DNAAF11: variants seen among roughly 807,000 people sequenced by gnomAD.
DNAAF11 encodes dynein axonemal assembly factor 11.
Under a neutral mutation model 60.8 loss-of-function variants are expected in DNAAF11, and 45 were observed. That is an observed-to-expected ratio of 0.74 (90% CI 0.58 to 0.95). The LOEUF is 0.95. Ranked by LOEUF, DNAAF11 falls within the 40% of genes least tolerant of loss-of-function variation. The probability of loss-of-function intolerance (pLI) is 0.00; values close to 1 mark genes in which losing one functional copy is unlikely to be tolerated. For synonymous variants in DNAAF11, 191 were observed against 183.5 expected (o/e 1.04, Z -0.33); for missense variants, 546 against 546.2 (o/e 1.00, Z 0.00).
chr8:132,632,420 T>G (rs1305383060), intron 5 of DNAAF11, among the ~76,000 whole-genome samples: 1 of 152,234 alleles, frequency 6.6e-6, no homozygotes, highest in African/African-American at 2.4e-5. Flanking sequence ...TTAACTTTTC[T>G]AAAATATTCC....
At chr8:132,584,761 C>T (rs1283467536) in intron 10 of DNAAF11, among the ~76,000 whole-genome samples, 2 of 152,122 alleles carry the variant, frequency 1.3e-5, no homozygotes, top group Non-Finnish European at 2.9e-5. Flanking sequence ...GGCTATCTGC[C>T]TTTCTCTGTT....
At chr8:132,648,641 T>A (rs1363662035) in intron 3 of DNAAF11, among the ~76,000 whole-genome samples, 1 of 152,218 alleles carries the variant, frequency 6.6e-6, no homozygotes, top group Admixed American at 6.5e-5. Flanking sequence ...CTCCTTAAGC[T>A]GGTAAGCAAC....
At chr8:132,592,706 C>G (rs555377799) in intron 10 of DNAAF11, among the ~76,000 whole-genome samples, 1 of 151,976 alleles carries the variant, frequency 6.6e-6, no homozygotes, top group Non-Finnish European at 1.5e-5. Context: ...ATTTATAATA[C>G]CATTGTAGTA....
intron 7 of DNAAF11, among the ~76,000 whole-genome samples, chr8:132,618,662 G>T (rs1819435363): frequency 6.8e-6 from 1 of 147,520 alleles, no homozygotes; most frequent in African/African-American, 2.5e-5. Context: ...CTTCTCAAAA[G>T]AAGACATTTA....
chr8:132,572,551 C>T, intron 11 of DNAAF11, 71 bp from the exon 12 acceptor site: 1 of 1,165,090 alleles, frequency 8.6e-7, no homozygotes, highest in Non-Finnish European at 1.2e-6. Context: ...ATTCAACTCA[C>T]CCATCCATTT....
intron 3 of DNAAF11, among the ~76,000 whole-genome samples, chr8:132,646,093 T>C (rs541368023): frequency 3.9e-5 from 6 of 152,256 alleles, no homozygotes; most frequent in Non-Finnish European, 7.4e-5. Context: ...GAGAGAAAGG[T>C]TGGGTTACCC....
At chr8:132,602,082 C>T (rs1232984962) in intron 10 of DNAAF11, among the ~76,000 whole-genome samples, 1 of 151,936 alleles carries the variant, frequency 6.6e-6, no homozygotes, top group Non-Finnish European at 1.5e-5. Flanking sequence ...TTCTTACTTT[C>T]CAGTGTAGCA....
intron 1 of DNAAF11, among the ~76,000 whole-genome samples, chr8:132,669,940 C>CAAAAAAAAAAAAAAAAAAAA (rs35402875): frequency 1.4e-5 from 1 of 69,784 alleles, no homozygotes; most frequent in African/African-American, 4.0e-5. Flanking sequence ...GACTCCGTCT[C>CAAAAAAAAAAAAAAAAAAAA]AAAAAAAAAA....
At chr8:132,613,061 A>G (rs62514508) in intron 8 of DNAAF11, among the ~76,000 whole-genome samples, 1,849 of 152,294 alleles carry the variant, frequency 0.012, 16 homozygotes, top group South Asian at 0.021. Flanking sequence ...AAACAGTAGA[A>G]ACGGCAGCTT....
intron 8 of DNAAF11, among the ~76,000 whole-genome samples, chr8:132,614,744 GAC>G (rs2130071903): frequency 6.6e-6 from 1 of 152,322 alleles, no homozygotes; most frequent in African/African-American, 2.4e-5. Context: ...TGCCAGCAAA[GAC>G]AGAGTGGGGT....
rs779571778 is a variant in DNAAF11 at position 132,632,948 on chromosome 8, C to G, written c.445G>C (p.Glu149Gln). The change falls in exon 5 of 12, where the codon GAA (glutamate) becomes CAA (glutamine). Residue 149 changes from glutamate (E) to glutamine (Q), a missense_variant. Glu to Gln is a conservative substitution (Grantham distance 29). Coordinates refer to ENST00000620350, the MANE Select transcript of DNAAF11 (RefSeq NM_012472.6). ...TTAATCCTTTCTGAAGGCTCTATTT[C>G]TTTACCATCCAACCACTTAAAGAAA... ...LPQLKWLDGK[E>Q]IEPSERIKAL... is the part of the protein sequence containing the mutation. 6.2e-7 allele frequency: 1 copy of G among 1,611,462 alleles called. No homozygotes were observed. Among genetic ancestry groups the G allele is most frequent in the Non-Finnish European group, 8.5e-7 (1 of 1,178,218 alleles).
At chr8:132,682,012 C>G in the DNAAF11 span, among the ~76,000 whole-genome samples, 1 of 152,190 alleles carries the variant, frequency 6.6e-6, no homozygotes, top group Admixed American at 6.5e-5. Flanking sequence ...AAAATGTTTG[C>G]CCATAGTAAG....
chr8:132,641,717 T>C (rs1054550877), intron 3 of DNAAF11, among the ~76,000 whole-genome samples: 3 of 152,192 alleles, frequency 2.0e-5, no homozygotes, highest in African/African-American at 7.2e-5. Context: ...AGACTGAGTA[T>C]AGGTGACTAT....
chr8:132,616,319 T>G (rs1276526708), intron 7 of DNAAF11, among the ~76,000 whole-genome samples: 1 of 152,072 alleles, frequency 6.6e-6, no homozygotes, highest in Non-Finnish European at 1.5e-5. Context: ...CTTTCTTCCC[T>G]TTTTTCTTCT....
At chr8:132,691,693 A>G in the DNAAF11 span, among the ~76,000 whole-genome samples, 1 of 152,140 alleles carries the variant, frequency 6.6e-6, no homozygotes, top group African/African-American at 2.4e-5. Flanking sequence ...TTATGAAACC[A>G]TCAGATCTGG....
the DNAAF11 span, among the ~76,000 whole-genome samples, chr8:132,685,550 C>T: frequency 6.6e-6 from 1 of 152,158 alleles, no homozygotes; most frequent in Non-Finnish European, 1.5e-5. Flanking sequence ...TCAGTCAACC[C>T]TTCTCACGTT....
In DNAAF11 at chr8:132,572,380, G is replaced by A. The variant is rs141486356; in HGVS notation, c.1327C>T (p.Pro443Ser). The A allele has an allele frequency of 1.2e-6, 2 of 1,614,000 alleles. No individual in the cohort carries two copies. Among genetic ancestry groups the A allele is most frequent in the Admixed American group, 1.7e-5 (1 of 60,014 alleles). The change falls in exon 12 of 12, where the codon CCT (proline) becomes TCT (serine). Residue 443 changes from proline to serine, a missense_variant. Physicochemically the swap from Pro to Ser is moderately conservative, Grantham distance 74 (BLOSUM62 -1). Transcript: ENST00000620350. ...TCACTTGGTATAATTTTGGGTTCAGGTCGTCTTCTGGGTGTGTGTTTTTTC... is the reference window on the plus strand; with the variant it reads ...TCACTTGGTATAATTTTGGGTTCAGATCGTCTTCTGGGTGTGTGTTTTTTC... ...QEKKHTPRRR[P>S]EPKIIPSEED...
chr8:132,678,608 C>T (rs1825821685), upstream of DNAAF11, among the ~76,000 whole-genome samples: 1 of 151,988 alleles, frequency 6.6e-6, no homozygotes. Flanking sequence ...TGGTCTTGAA[C>T]TCCTGGCCTC....
chr8:132,586,237 C>G (rs1815878163), intron 10 of DNAAF11, among the ~76,000 whole-genome samples: 1 of 152,078 alleles, frequency 6.6e-6, no homozygotes, highest in Non-Finnish European at 1.5e-5. Context: ...GCAGTGCTGT[C>G]CAGCAAAATT....
Sources: gnomAD v4.1 joint callset for allele counts (sites outside exome capture counted in the v4.1 genomes callset) on GRCh38, gnomAD v4.1.1 for gene constraint, MANE v1.5 for transcripts, NCBI Gene and HGNC (gene_info 2026-07-23, HGNC 2026-07-21) for gene names.